Variants in FRMPD4 observed in about 807,000 individuals in gnomAD.
FRMPD4 encodes FERM and PDZ domain containing 4.
Under a neutral mutation model 94.1 loss-of-function variants are expected in FRMPD4, and 22 were observed. The observed-to-expected ratio is 0.23, with a 90% CI of 0.17 to 0.33. The LOEUF is 0.33. Ranked by LOEUF, FRMPD4 falls within the 10% of genes least tolerant of loss-of-function variation. The probability of loss-of-function intolerance (pLI) is 1.00; values close to 1 mark genes in which losing one functional copy is unlikely to be tolerated. For synonymous variants in FRMPD4, 631 were observed against 548.6 expected, an observed-to-expected ratio of 1.15 and a Z score of -2.10; for missense variants, 1,111 against 1,339.9, an observed-to-expected ratio of 0.83 and a Z score of 2.67.
chrX:11,863,224 A>G (rs1044421422), intron 1 of FRMPD4, among the ~76,000 whole-genome samples: 12 of 100,836 alleles, frequency 1.2e-4, no homozygotes, highest in African/African-American at 4.4e-4. Context: ...TCCTGTGTCC[A>G]TGTGTTCTCA....
intron 3 of FRMPD4, among the ~76,000 whole-genome samples, chrX:11,923,097 G>T (rs752895747): frequency 8.9e-6 from 1 of 112,878 alleles, no homozygotes; most frequent in African/African-American, 3.2e-5. Flanking sequence ...CCATACTTCA[G>T]CTTCCCCAGC....
chrX:12,135,060 G>A (rs752500161), upstream of FRMPD4, among the ~76,000 whole-genome samples: 2 of 112,225 alleles, frequency 1.8e-5, no homozygotes, highest in South Asian at 7.5e-4. Context: ...GTTTGAAAGT[G>A]TGTCTGGTTT....
At chrX:12,117,916 C>T (rs142978692) in intron 3 of FRMPD4, among the ~76,000 whole-genome samples, 9 of 111,435 alleles carry the variant, frequency 8.1e-5, no homozygotes, top group South Asian at 3.8e-4. Flanking sequence ...TTTTGCTTCC[C>T]GAGCATATTA....
At chrX:11,858,599 G>A (rs1043605550) in intron 1 of FRMPD4, among the ~76,000 whole-genome samples, 1 of 110,206 alleles carries the variant, frequency 9.1e-6, no homozygotes, top group African/African-American at 3.3e-5. Flanking sequence ...TAACTACTGG[G>A]TACTAAGATT....
chrX:12,410,624 C>T (rs140886722), intron 1 of FRMPD4, among the ~76,000 whole-genome samples: 4,661 of 111,410 alleles, frequency 0.042, 232 homozygotes, highest in African/African-American at 0.14. Flanking sequence ...TGCCCACAGT[C>T]CTCTAAAATG....
chrX:12,397,993 A>G (rs1015289178), intron 1 of FRMPD4, among the ~76,000 whole-genome samples: 2 of 111,587 alleles, frequency 1.8e-5, no homozygotes, highest in East Asian at 5.6e-4. Flanking sequence ...GAGAGCCCCT[A>G]GAGCCATCAT....
intron 3 of FRMPD4, among the ~76,000 whole-genome samples, chrX:11,982,891 ATTCTGCTGTCTTAT>A (rs2054404590): frequency 9.0e-6 from 1 of 111,546 alleles, no homozygotes; most frequent in Non-Finnish European, 1.9e-5. Flanking sequence ...AGCGGGTCTG[ATTCTGCTGTCTTAT>A]TTCTGCTGAC....
rs2042138691 is a variant in FRMPD4 at position 12,718,198 on chromosome X, G to T, written c.3372G>T (p.Arg1124Ser). 1.7e-6 allele frequency: 2 copies of T among 1,210,993 alleles called. No homozygotes were observed. The highest frequency in any genetic ancestry group is 2.3e-4 in the Middle Eastern group (1 of 4,353). ...TFPRASGLGA[R>S]EAEGKEEGAP... ...CAAGAGCTTCTGGTCTTGGGGCAAG[G>T]GAGGCCGAAGGGAAGGAAGAAGGAG... The change falls in exon 16 of 17, where the codon AGG (arginine) becomes AGT (serine). Residue 1124 changes from arginine to serine, a missense_variant. By Grantham distance (110) the Arg-to-Ser change is moderately radical (BLOSUM62 -1). This residue lies in a region of FRMPD4 where 551 missense variants were observed against 591.6 expected (regional missense o/e 0.93). Coordinates refer to ENST00000675598, the MANE Select transcript of FRMPD4 (RefSeq NM_001368397.1).
At chrX:12,584,809 A>G (rs2058907477) in intron 2 of FRMPD4, among the ~76,000 whole-genome samples, 1 of 112,778 alleles carries the variant, frequency 8.9e-6, no homozygotes, top group Non-Finnish European at 1.9e-5. Flanking sequence ...GCAAAGTAGT[A>G]TTAGAAACTT....
intron 6 of FRMPD4, among the ~76,000 whole-genome samples, chrX:12,684,677 A>G (rs773738450): frequency 8.9e-6 from 1 of 112,533 alleles, no homozygotes; most frequent in Admixed American, 9.4e-5. Context: ...GGTGGAAGGT[A>G]CAGAGGAATC....
chrX:12,528,038 G>A (rs985831762), intron 2 of FRMPD4, among the ~76,000 whole-genome samples: 2 of 112,266 alleles, frequency 1.8e-5, no homozygotes, highest in East Asian at 5.6e-4. Flanking sequence ...TAAGTACCAT[G>A]AGAAGTAGGA....
chrX:12,573,566 C>G (rs2058780444), intron 2 of FRMPD4, among the ~76,000 whole-genome samples: 1 of 112,001 alleles, frequency 8.9e-6, no homozygotes, highest in Non-Finnish European at 1.9e-5. Flanking sequence ...TTTCAAGACA[C>G]TTTTTCCCTG....
intron 1 of FRMPD4, among the ~76,000 whole-genome samples, chrX:12,272,278 G>A (rs2054366347): frequency 9.0e-6 from 1 of 111,341 alleles, no homozygotes; most frequent in Non-Finnish European, 1.9e-5. Context: ...CAACCACATG[G>A]CCTTCTAGAT....
At chrX:12,525,470 G>C (rs1046253823) in intron 2 of FRMPD4, among the ~76,000 whole-genome samples, 1 of 111,562 alleles carries the variant, frequency 9.0e-6, no homozygotes, top group Non-Finnish European at 1.9e-5. Context: ...TATGGCTTAT[G>C]TTCCAACCTG....
chrX:12,028,802 A>G (rs2054675724), intron 3 of FRMPD4, among the ~76,000 whole-genome samples: 1 of 111,716 alleles, frequency 9.0e-6, no homozygotes, highest in Non-Finnish European at 1.9e-5. Context: ...ATGTCTTTTC[A>G]TGGCTTGATA....
intron 1 of FRMPD4, among the ~76,000 whole-genome samples, chrX:12,397,553 T>A (rs5935321): frequency 0.35 from 39,165 of 111,058 alleles, 6,541 homozygotes; most frequent in African/African-American, 0.64. Context: ...AAAAACACTT[T>A]GTCTCAGAAT....
intron 3 of FRMPD4, among the ~76,000 whole-genome samples, chrX:12,055,571 C>T (rs1425212248): frequency 1.8e-5 from 2 of 112,031 alleles, no homozygotes; most frequent in Non-Finnish European, 1.9e-5. Context: ...ACCTGCAGAA[C>T]CACGTGCCAA....
intron 1 of FRMPD4, among the ~76,000 whole-genome samples, chrX:12,412,354 C>G (rs193145180): frequency 2.0e-4 from 22 of 112,102 alleles, no homozygotes; most frequent in African/African-American, 7.1e-4. Flanking sequence ...CTTCTGTGGC[C>G]TCAATAAGTG....
At chrX:12,217,974 A>G (rs2056825793) in intron 1 of FRMPD4, among the ~76,000 whole-genome samples, 1 of 112,202 alleles carries the variant, frequency 8.9e-6, no homozygotes, top group African/African-American at 3.2e-5. Context: ...ATTCAACTTT[A>G]CACTGAATTA....
Sources: allele counts gnomAD v4.1 joint callset (sites outside exome capture counted in the v4.1 genomes callset), GRCh38; gene constraint gnomAD v4.1.1; regional missense constraint gnomAD v4.1.1; transcripts MANE v1.5; gene names NCBI Gene and HGNC (gene_info 2026-07-23, HGNC 2026-07-21).